The following PHACTR2 variants were observed in gnomAD, a reference collection of about 807,000 sequenced individuals.
PHACTR2 encodes the protein phosphatase and actin regulator 2.
A neutral mutation model predicts 76.0 loss-of-function variants in PHACTR2; 30 were observed. The observed-to-expected ratio is 0.39, with a 90% CI of 0.30 to 0.54. The LOEUF (loss-of-function observed/expected upper bound fraction) is 0.54, where lower values mean the gene tolerates loss of function less well. Ranked by LOEUF, PHACTR2 falls within the 20% of genes least tolerant of loss-of-function variation. The pLI, the probability that PHACTR2 is intolerant of heterozygous loss-of-function variation, is 0.61. For missense variants in PHACTR2, 696 were observed against 781.1 expected, an observed-to-expected ratio of 0.89 and a Z score of 1.30; for synonymous variants, 292 against 292.5, an observed-to-expected ratio of 1.00 and a Z score of 0.02.
At chr6:143,771,178 A>ATG (rs1775112145) in intron 6 of PHACTR2, among the ~76,000 whole-genome samples, 2 of 26,116 alleles carry the variant, frequency 7.7e-5, no homozygotes, top group African/African-American at 3.3e-4. Context: ...ATATATGTAT[A>ATG]TATATATATA....
chr6:143,542,298 C>T (rs554585902), intron 1 of PHACTR2, among the ~76,000 whole-genome samples: 72 of 152,248 alleles, frequency 4.7e-4, no homozygotes, highest in African/African-American at 1.2e-3. Flanking sequence ...GCCTGACCGC[C>T]GGTCAGGCTT....
At position 143,550,727 on chromosome 6, in the gene PHACTR2, CA is replaced by C. The variant is rs535788086; in HGVS notation, c.217+13522del. 2.4e-3 allele frequency among the ~76,000 whole-genome samples: 362 copies of C among 151,958 alleles called. 2 individuals are homozygous for C. Among genetic ancestry groups the C allele is most frequent in the African/African-American group, 8.2e-3 (341 of 41,490 alleles). On this transcript the variant is annotated intron_variant, in intron 1 of 11. Coordinates refer to the PHACTR2 transcript ENST00000367584. The surrounding 1 kb of genome is among the most constrained non-coding windows in gnomAD (Gnocchi z 4.8). ...GCGGGAATAGATTTAAAAAAACAAA[CA>C]ACAACAAAAACAAACAAACAAAGAT... is the stretch of plus-strand genomic sequence containing the variant.
rs1240557202 is a variant in PHACTR2, at chr6:143,743,671, C to T, written c.215-5314C>T. On this transcript the variant is annotated intron_variant, in intron 2 of 12. Coordinates refer to ENST00000440869, the MANE Select transcript of PHACTR2 (RefSeq NM_001100164.2). The surrounding 1 kb of genome is among the most constrained non-coding windows in gnomAD (Gnocchi z 5.0). ...TGAAGAGGGGCAAAGCCGAGCCAGG[C>T]TCTTGTAGAACACTTTCAACACAAG... Among the ~76,000 whole-genome samples, 1 of 152,202 alleles carries T rather than the reference C, an allele frequency of 6.6e-6. No individual in the cohort carries two copies. The highest frequency in any genetic ancestry group is 2.4e-5 in the African/African-American group (1 of 41,452).
chr6:143,808,032 G>T (rs1776100733), intron 12 of PHACTR2, among the ~76,000 whole-genome samples: 1 of 151,996 alleles, frequency 6.6e-6, no homozygotes, highest in Admixed American at 6.5e-5. Flanking sequence ...TTACTGTCTT[G>T]TGTGCCAGAG....
At chr6:143,804,244 C>T (rs571647243) in intron 11 of PHACTR2, among the ~76,000 whole-genome samples, 7 of 152,054 alleles carry the variant, frequency 4.6e-5, no homozygotes, top group African/African-American at 1.7e-4. Flanking sequence ...GCTCCTTGGC[C>T]TCTCTCTCTC....
At chr6:143,711,944 G>A in intron 1 of PHACTR2, 72 bp from the exon 2 acceptor site, 3 of 1,304,764 alleles carry the variant, frequency 2.3e-6, no homozygotes, top group Non-Finnish European at 3.3e-6. Context: ...ACAGCCCAGG[G>A]ACCAATTGAT....
At position 143,765,472 on chromosome 6, in the gene PHACTR2, G is replaced by C. The variant is rs370260100; in HGVS notation, c.906G>C (p.Leu302=). 1 of 1,614,198 alleles carries C rather than the reference G, an allele frequency of 6.2e-7. No homozygotes were observed. The highest frequency in any genetic ancestry group is 1.6e-4 in the Middle Eastern group (1 of 6,062). The change falls in exon 6 of 13, where the codon CTG becomes CTC. Residue 302 remains leucine, a synonymous_variant. Transcript: ENST00000440869. This position sits in a 1 kb window ranked among gnomAD's most constrained non-coding sequence, Gnocchi z 4.1. ...SDTTTSGTSD[L]KGEPAETRVE... ...CAACAACTTCTGGCACATCCGACCTGAAAGGAGAGCCTGCAGAGACCAGAG... is the reference window on the plus strand; with the variant it reads ...CAACAACTTCTGGCACATCCGACCTCAAAGGAGAGCCTGCAGAGACCAGAG...
At chr6:143,565,604 CAA>C (rs556657528) in intron 1 of PHACTR2, among the ~76,000 whole-genome samples, 61,980 of 105,126 alleles carry the variant, frequency 0.59, 15,214 homozygotes, top group Middle Eastern at 0.73. Context: ...GACTCCGTCT[CAA>C]AAAAAAAAAA....
At position 143,755,311 on chromosome 6, in the gene PHACTR2, G is replaced by A. The variant is rs1300350480; in HGVS notation, c.454+1399G>A. The A allele has an allele frequency of 2.2e-6, 1 of 456,040 alleles. No homozygotes were observed. Among genetic ancestry groups the A allele is most frequent in the South Asian group, 1.5e-5 (1 of 64,566 alleles). The allele number at this position is 456,040 out of a possible 1,614,324, so 28.2% of individuals were successfully genotyped here. On this transcript the variant is annotated intron_variant, in intron 4 of 12. Transcript: ENST00000440869. This position sits in a 1 kb window ranked among gnomAD's most constrained non-coding sequence, Gnocchi z 5.2. ...TTCTGTCCTGTCTCGCCAGACTGTT[G>A]AATTTCAAATCCATCTGTGGTTTGT...
rs1778883796 is a variant in PHACTR2 at position 143,739,125 on chromosome 6, C to A, written c.215-9860C>A. 6.6e-6 allele frequency among the ~76,000 whole-genome samples: 1 copy of A among 152,170 alleles called. No homozygotes were observed. Among genetic ancestry groups the A allele is most frequent in the Admixed American group, 6.5e-5 (1 of 15,286 alleles). On this transcript the variant is annotated intron_variant, in intron 2 of 12. Transcript: ENST00000440869. The surrounding 1 kb of genome is among the most constrained non-coding windows in gnomAD (Gnocchi z 4.3). ...CTGTCCCGAGGCTGGAGTGCAGTGG[C>A]ACGGTTTTGGCTCACTGCAAGCTCC... is the stretch of plus-strand genomic sequence containing the variant.
At position 143,760,503 on chromosome 6, in the gene PHACTR2, C is replaced by T. The variant is rs755385609; in HGVS notation, c.557C>T (p.Pro186Leu). 2.0e-5 allele frequency: 32 copies of T among 1,613,814 alleles called. No homozygotes were observed. Among genetic ancestry groups the T allele is most frequent in the Non-Finnish European group, 2.6e-5 (31 of 1,179,868 alleles). ...PKPKPKKSPV[P>L]PKGATAGASH... Reference sequence around the variant, plus strand: ...CCTAAACCCAAAAAATCACCTGTGCCTCCGAAAGGGGCCACTGCTGGGGCC... The same window carrying T: ...CCTAAACCCAAAAAATCACCTGTGCTTCCGAAAGGGGCCACTGCTGGGGCC... Residue 186 changes from proline (P) to leucine (L), a missense_variant, in exon 5 of 13, where the codon CCT (proline) becomes CTT (leucine). Around this residue, in one of 2 missense-constraint regions of PHACTR2, gnomAD observed 460 missense variants for 450.9 expected, o/e 1.02. Coordinates refer to ENST00000440869, the MANE Select transcript of PHACTR2 (RefSeq NM_001100164.2). This position sits in a 1 kb window ranked among gnomAD's most constrained non-coding sequence, Gnocchi z 6.4.
rs935172184 is a variant in PHACTR2, at chr6:143,573,961, A to ACAAG, written c.217+36755_217+36758dup. ...AATTACCACAATCCTAGTGGCTGAA[A>ACAAG]CAAGTTACAGGTTCTATGGGTCAGG... is the stretch of plus-strand genomic sequence containing the variant. On this transcript the variant is annotated intron_variant, in intron 1 of 11. Coordinates refer to the PHACTR2 transcript ENST00000367584. Among the ~76,000 whole-genome samples, 25 of 152,342 alleles carry ACAAG rather than the reference A, an allele frequency of 1.6e-4. No individual in the cohort carries two copies. The East Asian group carries it at 4.4e-3, about 27-fold the overall frequency.
chr6:143,625,571 G>C lies in PHACTR2; in HGVS notation c.13+17249G>C, dbSNP rs1462553438. ...CCCCTTGTGCGGTGTGTCTCCAATA[G>C]ATGTAATATCACCAGTGACTGTGGG... is the stretch of plus-strand genomic sequence containing the variant. On this transcript the variant is annotated intron_variant, in intron 1 of 11. Transcript: ENST00000305766. The surrounding 1 kb of genome is among the most constrained non-coding windows in gnomAD (Gnocchi z 4.3). 6.6e-6 allele frequency among the ~76,000 whole-genome samples: 1 copy of C among 152,186 alleles called. No homozygotes were observed. Among genetic ancestry groups the C allele is most frequent in the African/African-American group, 2.4e-5 (1 of 41,456 alleles).
At chr6:143,661,372 G>A (rs1300440990) in intron 1 of PHACTR2, among the ~76,000 whole-genome samples, 7 of 152,122 alleles carry the variant, frequency 4.6e-5, no homozygotes, top group African/African-American at 1.2e-4. Flanking sequence ...AATCTAAAAT[G>A]CAGTGGAATC....
chr6:143,784,073 T>C lies in PHACTR2; in HGVS notation c.1707+793T>C, dbSNP rs1038106575. Among the ~76,000 whole-genome samples the C allele has an allele frequency of 2.0e-5, 3 of 152,202 alleles. No individual in the cohort carries two copies. Among genetic ancestry groups the C allele is most frequent in the African/African-American group, 7.2e-5 (3 of 41,466 alleles). ...GAAAAAAAGAAGTGAAAAAAGTTTT[T>C]AATTATGATAAAAATTATTTCTTAA... On this transcript the variant is annotated intron_variant, in intron 10 of 12. Transcript: ENST00000440869. The surrounding 1 kb of genome is among the most constrained non-coding windows in gnomAD (Gnocchi z 4.5).
chr6:143,634,428 A>G (rs985741519), intron 1 of PHACTR2, among the ~76,000 whole-genome samples: 2 of 152,206 alleles, frequency 1.3e-5, no homozygotes, highest in African/African-American at 2.4e-5. Flanking sequence ...AAATTTTGAT[A>G]TGTGCCATTG....
chr6:143,542,165 T>C (rs1781176909), intron 1 of PHACTR2, among the ~76,000 whole-genome samples: 1 of 152,112 alleles, frequency 6.6e-6, no homozygotes, highest in South Asian at 2.1e-4. Flanking sequence ...TGGGCTCAGG[T>C]CCAGCCTGCG....
chr6:143,773,577 TTG>T (rs1775203965), intron 7 of PHACTR2, among the ~76,000 whole-genome samples: 1 of 152,038 alleles, frequency 6.6e-6, no homozygotes, highest in Non-Finnish European at 1.5e-5. Flanking sequence ...TACTTATCAT[TTG>T]TTGAAATTTT....
chr6:143,812,743 A>C (rs569454732), intron 12 of PHACTR2, among the ~76,000 whole-genome samples: 2 of 152,314 alleles, frequency 1.3e-5, no homozygotes, highest in East Asian at 3.9e-4. Flanking sequence ...TCTACCCCTC[A>C]ACAGTGCCCA....
Sources: allele counts gnomAD v4.1 joint callset (sites outside exome capture counted in the v4.1 genomes callset), GRCh38; gene constraint gnomAD v4.1.1; regional missense constraint gnomAD v4.1.1; non-coding constraint Gnocchi (gnomAD v3.1); transcripts MANE v1.5; gene names NCBI Gene and HGNC (gene_info 2026-07-23, HGNC 2026-07-21).